Variants in NKAIN3 observed in about 807,000 individuals in gnomAD.
NKAIN3 encodes sodium/potassium-transporting ATPase subunit beta-1-interacting protein 3.
A neutral mutation model predicts 30.2 loss-of-function variants in NKAIN3; 25 were observed. The observed-to-expected ratio is 0.83, with a 90% confidence interval of 0.60 to 1.16. The LOEUF (loss-of-function observed/expected upper bound fraction) is 1.16, where lower values mean the gene tolerates loss of function less well. Ranked by LOEUF, NKAIN3 falls within the 50% of genes most tolerant of loss-of-function variation. The pLI, the probability that NKAIN3 is intolerant of heterozygous loss-of-function variation, is 0.00. For synonymous variants in NKAIN3, 91 were observed against 89.6 expected (o/e 1.02, Z -0.09); for missense variants, 225 against 254.1 (o/e 0.89, Z 0.78).
intron 1 of NKAIN3, among the ~76,000 whole-genome samples, chr8:62,544,165 C>A (rs1430231451): frequency 6.6e-6 from 1 of 151,976 alleles, no homozygotes; most frequent in Non-Finnish European, 1.5e-5. Flanking sequence ...CCACATCTGG[C>A]TAATTTTTAG....
At chr8:62,605,641 C>T (rs1207905927) in intron 3 of NKAIN3, among the ~76,000 whole-genome samples, 1 of 151,810 alleles carries the variant, frequency 6.6e-6, no homozygotes, top group East Asian at 1.9e-4. Flanking sequence ...AAAAATAATA[C>T]CAAATTTAAA....
rs1057297487 is a variant in NKAIN3, at chr8:62,669,126, T to C, written c.274-77806T>C. The stretch of plus-strand genomic sequence containing the variant: ...CTCATCTTTTAAGGCAAAGCCTCAC[T>C]CACTCCAGGGAGTCCCCAGCCAATG... On this transcript the variant is annotated intron_variant, in intron 3 of 6. Transcript: ENST00000623646. Among the ~76,000 whole-genome samples the C allele has an allele frequency of 4.6e-5, 7 of 152,148 alleles. No individual in the cohort carries two copies. In the East Asian group the frequency reaches 1.3e-3, roughly 29 times the overall value.
chr8:62,348,002 GACTA>G (rs892151485), intron 1 of NKAIN3, among the ~76,000 whole-genome samples: 6 of 149,944 alleles, frequency 4.0e-5, no homozygotes, highest in East Asian at 2.0e-4. Context: ...TATTATTTTA[GACTA>G]ACTGTCGGTA....
chr8:62,860,546 A>G (rs1050020987), intron 4 of NKAIN3, among the ~76,000 whole-genome samples: 5 of 152,218 alleles, frequency 3.3e-5, no homozygotes, highest in South Asian at 4.1e-4. Flanking sequence ...TTCTTCTAAG[A>G]GACTAGCCCA....
chr8:62,373,355 T>G (rs2129593458), intron 1 of NKAIN3, among the ~76,000 whole-genome samples: 1 of 152,352 alleles, frequency 6.6e-6, no homozygotes, highest in South Asian at 2.1e-4. Flanking sequence ...TTCTACTAAC[T>G]TTATTTGAAA....
At chr8:62,738,962 G>T (rs1347307846) in intron 3 of NKAIN3, among the ~76,000 whole-genome samples, 3 of 152,112 alleles carry the variant, frequency 2.0e-5, no homozygotes, top group African/African-American at 7.2e-5. Flanking sequence ...CATGTCCTTT[G>T]CAGGGACACG....
chr8:62,931,273 G>T (rs1822612763), intron 5 of NKAIN3, among the ~76,000 whole-genome samples: 1 of 152,054 alleles, frequency 6.6e-6, no homozygotes, highest in Non-Finnish European at 1.5e-5. Context: ...ATAAAATATT[G>T]TCATGTCTTT....
intron 3 of NKAIN3, among the ~76,000 whole-genome samples, chr8:62,655,820 A>G (rs763518907): frequency 1.3e-5 from 2 of 152,114 alleles, no homozygotes; most frequent in Non-Finnish European, 2.9e-5. Flanking sequence ...GTTTGCAAAC[A>G]TGGGTAGATC....
chr8:62,375,745 G>A (rs1210235840), intron 1 of NKAIN3, among the ~76,000 whole-genome samples: 1 of 152,124 alleles, frequency 6.6e-6, no homozygotes. Flanking sequence ...AATCTTTAAT[G>A]ATATTAAAAT....
rs199609891 is a variant in NKAIN3, at chr8:62,971,643, C to T, written c.*6236C>T. Among the ~76,000 whole-genome samples, 2 of 150,482 alleles carry T rather than the reference C, an allele frequency of 1.3e-5. No homozygotes were observed. Among genetic ancestry groups the T allele is most frequent in the African/African-American group, 2.4e-5 (1 of 40,880 alleles). On this transcript the variant is annotated 3_prime_UTR_variant, in exon 7 of 7. Transcript: ENST00000623646. The stretch of plus-strand genomic sequence containing the variant: ...GCCAAACCTTGTCTCAAAAAAAAAG[C>T]GGGGGGGGCTTCATTTATTAGTAAG...
intron 1 of NKAIN3, among the ~76,000 whole-genome samples, chr8:62,472,043 A>AAT (rs1421906605): frequency 6.6e-6 from 1 of 151,302 alleles, no homozygotes; most frequent in Non-Finnish European, 1.5e-5. Context: ...AAAAAAAAAA[A>AAT]AGTCTTCAGC....
At chr8:62,466,284 C>G (rs1806160940) in intron 1 of NKAIN3, among the ~76,000 whole-genome samples, 1 of 152,078 alleles carries the variant, frequency 6.6e-6, no homozygotes, top group Non-Finnish European at 1.5e-5. Context: ...TTTTATATGA[C>G]CTATTACTAA....
intron 1 of NKAIN3, among the ~76,000 whole-genome samples, chr8:62,561,179 A>C (rs1353709130): frequency 2.0e-5 from 3 of 152,080 alleles, no homozygotes; most frequent in African/African-American, 7.2e-5. Context: ...ACCTCTTCCA[A>C]ATGTGAGTTA....
Position 62,345,675 on chromosome 8 carries a change from T to TATATACAC in NKAIN3, c.54+96553_54+96554insCACATATA, listed in dbSNP as rs1563943141. ...CATATATACATATGTATACCTGGAA[T>TATATACAC]ATATATACCAGACTATATATAATCA... On this transcript the variant is annotated intron_variant, in intron 1 of 6. Transcript: ENST00000623646. Among the ~76,000 whole-genome samples the TATATACAC allele has an allele frequency of 4.0e-3, 599 of 149,068 alleles. 9 individuals are homozygous for TATATACAC. Among genetic ancestry groups the TATATACAC allele is most frequent in the African/African-American group, 0.014 (574 of 40,514 alleles).
chr8:62,830,367 C>G (rs533386366), intron 4 of NKAIN3, among the ~76,000 whole-genome samples: 76 of 152,144 alleles, frequency 5.0e-4, no homozygotes, highest in African/African-American at 1.8e-3. Flanking sequence ...CAGAAGTGTA[C>G]TAGGATTAAA....
At chr8:62,341,161 C>G (rs892292884) in intron 1 of NKAIN3, among the ~76,000 whole-genome samples, 1 of 152,016 alleles carries the variant, frequency 6.6e-6, no homozygotes, top group Non-Finnish European at 1.5e-5. Context: ...ACAAGTTACA[C>G]AAGTGACAAT....
At chr8:62,582,353 A>C (rs868851911) in intron 2 of NKAIN3, among the ~76,000 whole-genome samples, 1 of 152,152 alleles carries the variant, frequency 6.6e-6, no homozygotes, top group African/African-American at 2.4e-5. Context: ...TGCTTACCTT[A>C]CAGTGCAATG....
At chr8:62,490,567 G>A (rs1203053174) in intron 1 of NKAIN3, among the ~76,000 whole-genome samples, 1 of 152,132 alleles carries the variant, frequency 6.6e-6, no homozygotes, top group Admixed American at 6.6e-5. Context: ...AGAAAGTCTG[G>A]TAGAGAGGAA....
intron 4 of NKAIN3, among the ~76,000 whole-genome samples, chr8:62,848,674 G>A (rs7017204): frequency 0.027 from 4,061 of 152,174 alleles, 180 homozygotes; most frequent in African/African-American, 0.092. Context: ...TCTCTTGCCT[G>A]ATTGCCTGGG....
Sources: gnomAD v4.1 joint callset for allele counts (sites outside exome capture counted in the v4.1 genomes callset) on GRCh38, gnomAD v4.1.1 for gene constraint, MANE v1.5 for transcripts, NCBI Gene and HGNC (gene_info 2026-07-23, HGNC 2026-07-21) for gene names.